OPCML: variants seen among roughly 807,000 people sequenced by gnomAD.
The protein encoded by OPCML is opioid binding protein/cell adhesion molecule like.
A neutral mutation model predicts 37.8 loss-of-function variants in OPCML; 13 were observed. That is an observed-to-expected ratio of 0.34 (90% CI 0.22 to 0.55). The LOEUF (loss-of-function observed/expected upper bound fraction) is 0.55. Among genes scored for constraint, OPCML ranks in the 20% least tolerant of loss-of-function variants. OPCML has a pLI of 0.91. For synonymous variants in OPCML, 176 were observed against 168.8 expected (o/e 1.04, Z -0.33); for missense variants, 341 against 435.6 (o/e 0.78, Z 1.93).
chr11:133,447,863 T>A (rs944348594), intron 1 of OPCML, among the ~76,000 whole-genome samples: 101 of 152,230 alleles, frequency 6.6e-4, no homozygotes, highest in African/African-American at 2.4e-3. Context: ...AGAATGGAAA[T>A]CCTTTGCTTA....
chr11:132,487,774 A>G (rs1273383844), intron 4 of OPCML, among the ~76,000 whole-genome samples: 2 of 152,228 alleles, frequency 1.3e-5, no homozygotes, highest in African/African-American at 4.8e-5. Context: ...GCTCAGGGCC[A>G]TTAAGCAGTG....
At chr11:133,382,616 G>A (rs4072099) in intron 1 of OPCML, among the ~76,000 whole-genome samples, 52,222 of 152,046 alleles carry the variant, frequency 0.34, 10,596 homozygotes, top group East Asian at 0.64. Context: ...ACCCAGTGCC[G>A]GGCTGACTAA....
At chr11:133,094,949 T>C (rs960291023) in intron 1 of OPCML, among the ~76,000 whole-genome samples, 2 of 152,092 alleles carry the variant, frequency 1.3e-5, no homozygotes, top group Admixed American at 1.3e-4. Flanking sequence ...AGCAAATATT[T>C]ATTCATCTGC....
chr11:132,511,822 CG>C (rs1015107061), intron 4 of OPCML, among the ~76,000 whole-genome samples: 1 of 151,690 alleles, frequency 6.6e-6, no homozygotes, highest in African/African-American at 2.4e-5. Flanking sequence ...TAGAATATAA[CG>C]TTTTTAACCT....
In OPCML at chr11:132,585,045, C is replaced by G. The variant is rs959705859; in HGVS notation, c.380-55859G>C. On this transcript the variant is annotated intron_variant, in intron 3 of 7. Transcript: ENST00000524381. ...ACAGTCTGTCTACACATCCAGTTGA[C>G]TTATGGTTCACTATGTATGGAGACA... Among the ~76,000 whole-genome samples the G allele has an allele frequency of 6.6e-5, 10 of 152,260 alleles. No homozygotes were observed. The South Asian group carries it at 2.1e-3, about 32-fold the overall frequency.
intron 1 of OPCML, among the ~76,000 whole-genome samples, chr11:133,214,285 T>C (rs986777670): frequency 6.6e-6 from 1 of 152,256 alleles, no homozygotes; most frequent in African/African-American, 2.4e-5. Flanking sequence ...CTAACGTCAT[T>C]TATGATAGAA....
intron 2 of OPCML, among the ~76,000 whole-genome samples, chr11:132,863,502 T>C (rs1474845498): frequency 2.0e-5 from 3 of 152,044 alleles, no homozygotes; most frequent in Non-Finnish European, 4.4e-5. Flanking sequence ...TCTCGCTGGC[T>C]TTCTGGAGCC....
intron 3 of OPCML, among the ~76,000 whole-genome samples, chr11:132,556,357 G>T (rs1463291023): frequency 6.6e-6 from 1 of 152,114 alleles, no homozygotes; most frequent in African/African-American, 2.4e-5. Context: ...TCCTGGAATG[G>T]CAAGCCTACC....
intron 1 of OPCML, among the ~76,000 whole-genome samples, chr11:133,121,460 C>A (rs1373039270): frequency 6.6e-6 from 1 of 152,138 alleles, no homozygotes; most frequent in East Asian, 1.9e-4. Context: ...TCAGACAAGT[C>A]CCAGCTGGGA....
chr11:133,347,766 A>T (rs1407083327), intron 1 of OPCML, among the ~76,000 whole-genome samples: 2 of 152,198 alleles, frequency 1.3e-5, no homozygotes, highest in Non-Finnish European at 2.9e-5. Flanking sequence ...TGATGGAGCT[A>T]GAGTTGTGTA....
intron 1 of OPCML, among the ~76,000 whole-genome samples, chr11:133,046,537 AGCATCATAG>A (rs1300736220): frequency 1.3e-5 from 2 of 152,156 alleles, no homozygotes; most frequent in African/African-American, 4.8e-5. Context: ...AACATCAGAC[AGCATCATAG>A]GCATCATATA....
At chr11:132,514,145 C>A (rs2096274795) in intron 4 of OPCML, among the ~76,000 whole-genome samples, 1 of 152,066 alleles carries the variant, frequency 6.6e-6, no homozygotes, top group South Asian at 2.1e-4. Flanking sequence ...TGACAGAAGA[C>A]CTTTTTGAAA....
chr11:132,547,414 G>A (rs1224381185), intron 3 of OPCML, among the ~76,000 whole-genome samples: 2 of 152,184 alleles, frequency 1.3e-5, no homozygotes, highest in Non-Finnish European at 2.9e-5. Flanking sequence ...GACCCATGCT[G>A]AAGACCGTTG....
intron 2 of OPCML, among the ~76,000 whole-genome samples, chr11:132,670,695 A>C (rs1178858475): frequency 1.3e-5 from 2 of 152,204 alleles, no homozygotes; most frequent in African/African-American, 2.4e-5. Context: ...TGTAAAAAAA[A>C]CAAAAACTAT....
intron 1 of OPCML, among the ~76,000 whole-genome samples, chr11:133,250,113 T>A (rs1368446423): frequency 6.6e-6 from 1 of 152,244 alleles, no homozygotes; most frequent in Non-Finnish European, 1.5e-5. Context: ...AGGTACTCAA[T>A]AACATAACAA....
intron 1 of OPCML, among the ~76,000 whole-genome samples, chr11:133,079,591 C>T (rs549103222): frequency 8.4e-4 from 128 of 152,290 alleles, no homozygotes; most frequent in African/African-American, 3.1e-3. Flanking sequence ...CTGTGACACC[C>T]TGCAAAGTGC....
intron 2 of OPCML, among the ~76,000 whole-genome samples, chr11:132,792,713 A>G (rs2136183052): frequency 6.6e-6 from 1 of 152,230 alleles, no homozygotes; most frequent in East Asian, 1.9e-4. Context: ...GGCCCCCAGG[A>G]GGGACGCGGC....
chr11:132,933,352 A>G (rs1170513270), intron 2 of OPCML, among the ~76,000 whole-genome samples: 1 of 152,122 alleles, frequency 6.6e-6, no homozygotes, highest in Non-Finnish European at 1.5e-5. Context: ...TCCCTTGCAA[A>G]TCGTTCAGAA....
intron 1 of OPCML, among the ~76,000 whole-genome samples, chr11:133,176,062 G>A (rs770679717): frequency 1.6e-4 from 25 of 152,290 alleles, no homozygotes; most frequent in African/African-American, 2.4e-4. Context: ...TTCTGTGGGT[G>A]TGGCCTCCAA....
Sources: gnomAD v4.1 joint callset for allele counts (sites outside exome capture counted in the v4.1 genomes callset) on GRCh38, gnomAD v4.1.1 for gene constraint, MANE v1.5 for transcripts, NCBI Gene and HGNC (gene_info 2026-07-23, HGNC 2026-07-21) for gene names.